The following DPP6 variants were observed in gnomAD, a reference collection of about 807,000 sequenced individuals.
DPP6 encodes the protein dipeptidyl peptidase like 6.
Under a neutral mutation model 122.6 loss-of-function variants are expected in DPP6, and 69 were observed. The ratio of observed to expected loss-of-function variants is 0.56; its 90% CI spans 0.46 to 0.69. DPP6 has a LOEUF of 0.69. Ranked by LOEUF, DPP6 falls within the 30% of genes least tolerant of loss-of-function variation. The pLI, the probability that DPP6 is intolerant of heterozygous loss-of-function variation, is 0.00. For synonymous variants in DPP6, 418 were observed against 433.1 expected (o/e 0.97, Z 0.43); for missense variants, 928 against 1,116.9 (o/e 0.83, Z 2.41).
chr7:153,967,563 C>T (rs1051273138), intron 1 of DPP6, among the ~76,000 whole-genome samples: 4 of 152,124 alleles, frequency 2.6e-5, no homozygotes, highest in African/African-American at 7.2e-5. Context: ...TAGCTGACCT[C>T]GGGGGTGTTT....
intron 1 of DPP6, among the ~76,000 whole-genome samples, chr7:154,147,377 AT>A (rs1231391139): frequency 1.3e-5 from 2 of 152,184 alleles, no homozygotes; most frequent in African/African-American, 2.4e-5. Flanking sequence ...AATGGAATCT[AT>A]CAAACTGTTC....
rs1307461809 is a variant in DPP6 at position 154,889,535 on chromosome 7, A to C, written c.2451+5A>C. ...AAGGCTAATTACAGCTTACAGGTAC[A>C]GTACGCATGTTACTCTGTTTTGAAC... On this transcript the variant is annotated splice_donor_5th_base_variant and intron_variant, in intron 25 of 25. Transcript: ENST00000377770. 6.2e-7 allele frequency: 1 copy of C among 1,605,116 alleles called. No individual in the cohort carries two copies. The highest frequency in any genetic ancestry group is 1.3e-5 in the African/African-American group (1 of 74,416).
At chr7:154,244,865 C>G (rs1296867576) in intron 1 of DPP6, among the ~76,000 whole-genome samples, 1 of 151,420 alleles carries the variant, frequency 6.6e-6, no homozygotes, top group Non-Finnish European at 1.5e-5. Context: ...TCAATAATTT[C>G]ACTAGATGCA....
chr7:154,669,559 TGTG>T, intron 7 of DPP6, 118 bp downstream of exon 7: 1 of 1,412,324 alleles, frequency 7.1e-7, no homozygotes, highest in South Asian at 1.5e-5. Flanking sequence ...TGTGTGTGTG[TGTG>T]TGTGTAAATT....
chr7:153,959,833 A>G (rs1005052209), intron 1 of DPP6, among the ~76,000 whole-genome samples: 2 of 152,178 alleles, frequency 1.3e-5, no homozygotes, highest in African/African-American at 4.8e-5. Context: ...TTGCCTTTGC[A>G]CTCACAACTT....
the DPP6 span, among the ~76,000 whole-genome samples, chr7:153,770,382 A>G: frequency 6.6e-6 from 1 of 152,148 alleles, no homozygotes; most frequent in East Asian, 1.9e-4. Flanking sequence ...AGGACAAAGA[A>G]GAACAAAGAA....
intron 1 of DPP6, among the ~76,000 whole-genome samples, chr7:154,184,491 T>G (rs532425342): frequency 4.6e-5 from 7 of 151,988 alleles, no homozygotes; most frequent in African/African-American, 1.7e-4. Flanking sequence ...GGCATCACGT[T>G]GCTTCCGACA....
intron 3 of DPP6, among the ~76,000 whole-genome samples, chr7:154,517,799 T>G (rs1231833365): frequency 1.3e-5 from 2 of 151,886 alleles, no homozygotes; most frequent in Non-Finnish European, 2.9e-5. Flanking sequence ...CGAGAAAAAA[T>G]GAAACCAACA....
Position 154,486,522 on chromosome 7 carries a change from G to A in DPP6, c.457+11485G>A, listed in dbSNP as rs139908725. Among the ~76,000 whole-genome samples the A allele has an allele frequency of 4.8e-3, 729 of 152,228 alleles. 4 individuals are homozygous for A. The highest frequency in any genetic ancestry group is 0.016 in the African/African-American group (677 of 41,534). On this transcript the variant is annotated intron_variant, in intron 3 of 25. Transcript: ENST00000377770. The surrounding 1 kb of genome is among the most constrained non-coding windows in gnomAD (Gnocchi z 4.5). ...GCTCTTCTCTTTTTCTGAAAATACC[G>A]TTGCTCATCACTTCTCTGCTTCAGA... is the stretch of plus-strand genomic sequence containing the variant.
At chr7:153,963,700 G>A (rs1398885597) in intron 1 of DPP6, among the ~76,000 whole-genome samples, 3 of 152,196 alleles carry the variant, frequency 2.0e-5, no homozygotes, top group Non-Finnish European at 4.4e-5. Context: ...GCATGTGCAA[G>A]AGATCTGGGT....
In DPP6 at chr7:154,367,498, G is replaced by A. The variant is rs527875525; in HGVS notation, c.244-78716G>A. Among the ~76,000 whole-genome samples, 3 of 152,228 alleles carry A rather than the reference G, an allele frequency of 2.0e-5. No homozygotes were observed. The East Asian group carries it at 5.8e-4, about 29-fold the overall frequency. On this transcript the variant is annotated intron_variant, in intron 1 of 25. Transcript: ENST00000377770. ...CAATTTGAGAAGCTTGGCCTTATAA[G>A]AAAATCTCCACCAACACCTGGTGTA...
intron 16 of DPP6, among the ~76,000 whole-genome samples, chr7:154,841,255 C>A (rs1053543378): frequency 6.6e-6 from 1 of 152,152 alleles, no homozygotes; most frequent in African/African-American, 2.4e-5. Context: ...ACGAAACAGC[C>A]AGTGGGCGCT....
chr7:154,763,631 C>G (rs1300446375), intron 8 of DPP6, among the ~76,000 whole-genome samples: 1 of 152,150 alleles, frequency 6.6e-6, no homozygotes, highest in African/African-American at 2.4e-5. Context: ...TTTCCTCACC[C>G]AGAAAAACAA....
intron 3 of DPP6, among the ~76,000 whole-genome samples, chr7:154,492,411 T>C (rs966768399): frequency 1.3e-5 from 2 of 152,134 alleles, no homozygotes; most frequent in African/African-American, 4.8e-5. Context: ...GCAGTGCATG[T>C]TGATTTAATA....
chr7:153,815,117 G>T, the DPP6 span, among the ~76,000 whole-genome samples: 1 of 152,106 alleles, frequency 6.6e-6, no homozygotes, highest in Non-Finnish European at 1.5e-5. Flanking sequence ...AGGGCAATTA[G>T]GCAGGAGAAG....
chr7:153,992,084 G>A (rs1250398094), intron 1 of DPP6, among the ~76,000 whole-genome samples: 1 of 151,912 alleles, frequency 6.6e-6, no homozygotes, highest in Non-Finnish European at 1.5e-5. Context: ...TATAAGGGTG[G>A]AGCCTCATGA....
At chr7:153,918,458 ACACACACACTCT>A (rs1281688835) in intron 1 of DPP6, among the ~76,000 whole-genome samples, 52 of 95,220 alleles carry the variant, frequency 5.5e-4, no homozygotes, top group South Asian at 1.0e-3. Context: ...ACACACACAC[ACACACACACTCT>A]CTCTCTCTCT....
In DPP6 at chr7:154,735,904, CT is replaced by C. The variant is rs747071028; in HGVS notation, c.883+8018del. ...TGGCTGCCAAGGCCCTCTTAGCCCCCTGGGTCCAACTGCACCTGTTCCTCAC... is the reference window on the plus strand; with the variant it reads ...TGGCTGCCAAGGCCCTCTTAGCCCCCGGGTCCAACTGCACCTGTTCCTCAC... On this transcript the variant is annotated intron_variant, in intron 8 of 25. Coordinates refer to ENST00000377770, the MANE Select transcript of DPP6 (RefSeq NM_130797.4). 2.0e-5 allele frequency among the ~76,000 whole-genome samples: 3 copies of C among 152,344 alleles called. No individual in the cohort carries two copies. The East Asian group carries it at 5.8e-4, about 29-fold the overall frequency.
At chr7:154,035,664 A>G (rs1446039299) in intron 1 of DPP6, among the ~76,000 whole-genome samples, 1 of 151,960 alleles carries the variant, frequency 6.6e-6, no homozygotes, top group Non-Finnish European at 1.5e-5. Flanking sequence ...AAACACCCCT[A>G]GAAAAGCTAT....
Sources: gnomAD v4.1 joint callset for allele counts (sites outside exome capture counted in the v4.1 genomes callset) on GRCh38, gnomAD v4.1.1 for gene constraint, Gnocchi (gnomAD v3.1) non-coding constraint, MANE v1.5 for transcripts, NCBI Gene and HGNC (gene_info 2026-07-23, HGNC 2026-07-21) for gene names.